The following STXBP5 variants were observed in gnomAD, a reference collection of about 807,000 sequenced individuals.
STXBP5 encodes the protein syntaxin-binding protein 5.
Under a neutral mutation model 152.4 loss-of-function variants are expected in STXBP5, and 50 were observed. The ratio of observed to expected loss-of-function variants is 0.33; its 90% CI spans 0.26 to 0.42. The LOEUF (loss-of-function observed/expected upper bound fraction) is 0.42, where lower values mean the gene tolerates loss of function less well. Among genes scored for constraint, STXBP5 ranks in the 10% least tolerant of loss-of-function variants. The pLI is 1.00. For synonymous variants in STXBP5, 492 were observed against 494.7 expected (o/e 0.99, Z 0.07); for missense variants, 1,167 against 1,388.6 (o/e 0.84, Z 2.54).
intron 16 of STXBP5, among the ~76,000 whole-genome samples, chr6:147,323,005 A>T (rs1783014719): frequency 6.6e-6 from 1 of 152,120 alleles, no homozygotes; most frequent in Non-Finnish European, 1.5e-5. Flanking sequence ...GTTCTCTACC[A>T]TCATCTCAAA....
intron 7 of STXBP5, among the ~76,000 whole-genome samples, chr6:147,272,058 C>G (rs190172149): frequency 2.6e-5 from 4 of 151,984 alleles, no homozygotes; most frequent in Non-Finnish European, 5.9e-5. Flanking sequence ...TTGGAAGTAC[C>G]GACGCTCACT....
At chr6:147,323,589 G>A (rs563990960) in intron 16 of STXBP5, among the ~76,000 whole-genome samples, 5 of 151,966 alleles carry the variant, frequency 3.3e-5, no homozygotes, top group South Asian at 2.1e-4. Context: ...ACGGGGTTTC[G>A]CCATGTTGGC....
rs114724105 is a variant in STXBP5 at position 147,260,520 on chromosome 6, G to A, written c.432-95G>A. 2,231 of 1,414,604 alleles carry A rather than the reference G, an allele frequency of 1.6e-3. 32 individuals are homozygous for A. In the African/African-American group the frequency reaches 0.028, roughly 18 times the overall value. 87.6% of individuals were successfully genotyped at this position (1,414,604 alleles called of 1,614,324 possible). A position where few individuals can be genotyped will look rare whatever the true frequency, so the allele number is the denominator to read the frequency against. On this transcript the variant is annotated intron_variant, in intron 4 of 27. Coordinates refer to ENST00000321680, the MANE Select transcript of STXBP5 (RefSeq NM_001127715.4). Reference sequence around the variant, plus strand: ...CTGATGATTATATACCAGTTTTGCTGTTCCTGAATTATATATCATAATCAA... The same window carrying A: ...CTGATGATTATATACCAGTTTTGCTATTCCTGAATTATATATCATAATCAA...
intron 7 of STXBP5, among the ~76,000 whole-genome samples, chr6:147,270,172 G>A (rs1780087805): frequency 6.6e-6 from 1 of 152,080 alleles, no homozygotes; most frequent in Admixed American, 6.6e-5. Flanking sequence ...GCCAAGGCGG[G>A]CAGATCACGA....
chr6:147,340,999 G>T (rs1022524952), intron 21 of STXBP5, among the ~76,000 whole-genome samples: 6 of 152,040 alleles, frequency 3.9e-5, no homozygotes, highest in African/African-American at 1.4e-4. Context: ...CAAAATTTTG[G>T]TAGTACAGTT....
intron 23 of STXBP5, among the ~76,000 whole-genome samples, chr6:147,360,874 A>C (rs1225057918): frequency 6.6e-6 from 1 of 152,170 alleles, no homozygotes; most frequent in Non-Finnish European, 1.5e-5. Flanking sequence ...TTTTGCTTGT[A>C]AATCTATCTC....
At chr6:147,367,928 A>G (rs994960225) in intron 25 of STXBP5, among the ~76,000 whole-genome samples, 1 of 152,094 alleles carries the variant, frequency 6.6e-6, no homozygotes, top group African/African-American at 2.4e-5. Flanking sequence ...GAAATGGACA[A>G]ATTTCTTTAA....
intron 4 of STXBP5, among the ~76,000 whole-genome samples, chr6:147,239,722 A>T (rs1778444503): frequency 6.6e-6 from 1 of 152,192 alleles, no homozygotes; most frequent in Admixed American, 6.5e-5. Context: ...GTGGACACAT[A>T]ATCATTTTCA....
rs565158190 is a variant in STXBP5 at position 147,204,611 on chromosome 6, C to A, written c.79C>A (p.Gln27Lys). The A allele has an allele frequency of 2.5e-6, 4 of 1,610,924 alleles. No homozygotes were observed. The highest frequency in any genetic ancestry group is 3.4e-6 in the Non-Finnish European group (4 of 1,178,528). Residue 27 changes from glutamine (Q) to lysine (K), a missense_variant, in exon 1 of 28, where the codon CAG (glutamine) becomes AAG (lysine). Gln to Lys is a moderately conservative substitution (Grantham distance 53). This residue lies in a region of STXBP5 where 310 missense variants were observed against 346.1 expected (regional missense o/e 0.90). Coordinates refer to ENST00000321680, the MANE Select transcript of STXBP5 (RefSeq NM_001127715.4). The surrounding 1 kb of genome is among the most constrained non-coding windows in gnomAD (Gnocchi z 4.3). ...CTCGGCGTCGCAGCAGCAACAGCAG[C>A]AGCATCCGCCTGGGAACCGGGAGCC... ...SSSASQQQQQQHPPGNREPEI... is the reference protein window; with the variant it reads ...SSSASQQQQQKHPPGNREPEI...
chr6:147,335,453 A>G (rs888328912), intron 19 of STXBP5, among the ~76,000 whole-genome samples: 2 of 152,234 alleles, frequency 1.3e-5, no homozygotes, highest in African/African-American at 2.4e-5. Context: ...CAATTTGGAC[A>G]TGGAACATGT....
Position 147,206,058 on chromosome 6 carries a change from G to C in STXBP5, c.238G>C (p.Ala80Pro). The C allele has an allele frequency of 6.2e-7, 1 of 1,613,318 alleles. No individual in the cohort carries two copies. The highest frequency in any genetic ancestry group is 8.5e-7 in the Non-Finnish European group (1 of 1,179,250). ...CCTGGCAGTGGGAACTCAGACTGGT[G>C]CTTTAAGGCTGTATCCTTTCTTTAA... ...KILAVGTQTG[A>P]LRLFGRPGVE... Residue 80 changes from alanine (A) to proline (P), a missense_variant, in exon 2 of 28, where the codon GCT becomes CCT. Around this residue, in one of 3 missense-constraint regions of STXBP5, gnomAD observed 310 missense variants for 346.1 expected, o/e 0.90. Transcript: ENST00000321680.
intron 2 of STXBP5, among the ~76,000 whole-genome samples, chr6:147,213,416 G>C (rs2115042465): frequency 7.2e-6 from 1 of 139,838 alleles, no homozygotes; most frequent in South Asian, 2.3e-4. Context: ...ACCTCACCTG[G>C]CTCACATAAT....
At chr6:147,370,879 A>G (rs1047270251) in intron 25 of STXBP5, among the ~76,000 whole-genome samples, 1 of 152,034 alleles carries the variant, frequency 6.6e-6, no homozygotes, top group Non-Finnish European at 1.5e-5. Context: ...TTTTCTTAAA[A>G]TGATTAAAAT....
At chr6:147,243,517 T>C (rs919416971) in intron 4 of STXBP5, among the ~76,000 whole-genome samples, 1 of 152,218 alleles carries the variant, frequency 6.6e-6, no homozygotes, top group Non-Finnish European at 1.5e-5. Context: ...TTTGTCCTAG[T>C]CTGTGACTTT....
At chr6:147,256,743 A>G (rs1317427441) in intron 4 of STXBP5, among the ~76,000 whole-genome samples, 3 of 152,176 alleles carry the variant, frequency 2.0e-5, no homozygotes, top group South Asian at 2.1e-4. Context: ...TGTTTTATTA[A>G]TTACTATGAT....
Position 147,349,049 on chromosome 6 carries a change from CAAAGAT to C in STXBP5, c.2255-4270_2255-4265del, listed in dbSNP as rs954807550. On this transcript the variant is annotated intron_variant, in intron 21 of 27. Transcript: ENST00000321680. ...TGAAAACACATAATTCAAAATAACT[CAAAGAT>C]AAAAAAGCATATATAACATAAGATA... Among the ~76,000 whole-genome samples the C allele has an allele frequency of 2.1e-3, 311 of 151,410 alleles. 1 individual carries two copies. The highest frequency in any genetic ancestry group is 7.3e-3 in the African/African-American group (300 of 41,134).
intron 4 of STXBP5, among the ~76,000 whole-genome samples, chr6:147,251,488 T>G (rs1051987591): frequency 6.6e-6 from 1 of 151,970 alleles, no homozygotes; most frequent in Non-Finnish European, 1.5e-5. Context: ...AGCCAAGTGG[T>G]GTAGCTCAGC....
chr6:147,333,971 A>T (rs1351315682), intron 18 of STXBP5, among the ~76,000 whole-genome samples, 186 bp from the exon 19 acceptor site: 3 of 152,224 alleles, frequency 2.0e-5, no homozygotes, highest in Non-Finnish European at 4.4e-5. Context: ...GTGCTGTATT[A>T]GTTTGAGGTA....
chr6:147,233,722 T>C, intron 2 of STXBP5, among the ~76,000 whole-genome samples: 1 of 151,754 alleles, frequency 6.6e-6, no homozygotes, highest in African/African-American at 2.4e-5. Flanking sequence ...TACAGACTTT[T>C]CTTTTTTTGG....
Sources: allele counts gnomAD v4.1 joint callset (sites outside exome capture counted in the v4.1 genomes callset), GRCh38; gene constraint gnomAD v4.1.1; regional missense constraint gnomAD v4.1.1; non-coding constraint Gnocchi (gnomAD v3.1); transcripts MANE v1.5; gene names NCBI Gene and HGNC (gene_info 2026-07-23, HGNC 2026-07-21).